MCMDC2: variants seen among roughly 807,000 people sequenced by gnomAD.
MCMDC2 encodes the protein minichromosome maintenance domain containing 2.
MCMDC2 carries 54 observed loss-of-function variants against 75.8 expected under a neutral mutation model. The ratio of observed to expected loss-of-function variants is 0.71; its 90% confidence interval spans 0.57 to 0.89. MCMDC2 has a LOEUF of 0.89. Among genes scored for constraint, MCMDC2 ranks in the 40% least tolerant of loss-of-function variants. The pLI, the probability that MCMDC2 is intolerant of heterozygous loss-of-function variation, is 0.00. For missense variants in MCMDC2, 656 were observed against 780.4 expected (o/e 0.84, Z 1.90); for synonymous variants, 249 against 274.6 (o/e 0.91, Z 0.92).
chr8:66,872,062 G>C (rs989494402), intron 1 of MCMDC2, among the ~76,000 whole-genome samples: 9 of 152,140 alleles, frequency 5.9e-5, no homozygotes, highest in African/African-American at 1.9e-4. Context: ...TAATGTTCTA[G>C]TGCAGCAAAG....
At chr8:66,901,561 C>T (rs543925623) in intron 13 of MCMDC2, 2 of 1,240,368 alleles carry the variant, frequency 1.6e-6, no homozygotes, top group South Asian at 5.7e-5. Context: ...TTTTACTAAA[C>T]TGATTTTTAT....
At chr8:66,907,718 C>T (rs1361189727) in intron 14 of MCMDC2, among the ~76,000 whole-genome samples, 3 of 152,192 alleles carry the variant, frequency 2.0e-5, no homozygotes, top group South Asian at 2.1e-4. Flanking sequence ...TGTTTCTCCA[C>T]GGCCTCACCA....
At chr8:66,893,701 C>G (rs1812217476) in intron 10 of MCMDC2, among the ~76,000 whole-genome samples, 1 of 152,198 alleles carries the variant, frequency 6.6e-6, no homozygotes, top group Non-Finnish European at 1.5e-5. Context: ...TGGGTGGGGA[C>G]AGAGCCAACC....
Position 66,905,251 on chromosome 8 carries a change from C to G in MCMDC2, c.1795C>G (p.Arg599Gly). The G allele has an allele frequency of 1.3e-6, 2 of 1,491,694 alleles. No individual in the cohort carries two copies. Among genetic ancestry groups the G allele is most frequent in the Non-Finnish European group, 1.8e-6 (2 of 1,117,460 alleles). The allele number at this position is 1,491,694 out of a possible 1,614,324, so 92.4% of individuals were successfully genotyped here. A position where few individuals can be genotyped will look rare whatever the true frequency, so the allele number is the denominator to read the frequency against. ...CGTTTTCCTATCTGAAGCCCATGCA[C>G]GACTGAACTTAAGGAACAAAGTGCT... is the stretch of plus-strand genomic sequence containing the variant. ...YLVFLSEAHA[R>G]LNLRNKVLKE... is the part of the protein sequence containing the mutation. The change falls in exon 14 of 15, where the codon CGA becomes GGA. Residue 599 changes from arginine to glycine, a missense_variant. Transcript: ENST00000422365.
chr8:66,895,403 T>TC (rs1383433704), intron 10 of MCMDC2, among the ~76,000 whole-genome samples: 2 of 149,252 alleles, frequency 1.3e-5, no homozygotes, highest in African/African-American at 4.9e-5. Context: ...TTTCTTTCTT[T>TC]TTTTTTTTTT....
Position 66,874,447 on chromosome 8 carries a change from C to G in MCMDC2, c.216C>G (p.Val72=). The G allele has an allele frequency of 1.2e-6, 2 of 1,612,936 alleles. No homozygotes were observed. The highest frequency in any genetic ancestry group is 1.7e-6 in the Non-Finnish European group (2 of 1,179,772). ...ACCAACCTTTAAAAGCTGCTGAAGTCTTTCAATCAGTAAGTCAAAAAAAGA... is the reference window on the plus strand; with the variant it reads ...ACCAACCTTTAAAAGCTGCTGAAGTGTTTCAATCAGTAAGTCAAAAAAAGA... ...ILHQPLKAAE[V]FQSVCFIAVK... The change falls in exon 3 of 15, where the codon GTC becomes GTG. Residue 72 remains valine (V), a synonymous_variant. Transcript: ENST00000422365.
At chr8:66,904,836 T>C (rs1812842394) in intron 13 of MCMDC2, among the ~76,000 whole-genome samples, 1 of 152,204 alleles carries the variant, frequency 6.6e-6, no homozygotes, top group African/African-American at 2.4e-5. Flanking sequence ...CTTCCAATGC[T>C]GAAATTGCAA....
chr8:66,887,468 T>C (rs1811898944), intron 9 of MCMDC2, among the ~76,000 whole-genome samples: 1 of 151,852 alleles, frequency 6.6e-6, no homozygotes, highest in South Asian at 2.1e-4. Flanking sequence ...AGGAGAATCA[T>C]TTGAACCTGG....
At chr8:66,922,687 T>C (rs1585926328), downstream of MCMDC2, 3 of 337,450 alleles carry the variant, frequency 8.9e-6, no homozygotes, top group East Asian at 7.8e-5. Context: ...TCTGTTATGA[T>C]GACTTTCATA....
chr8:66,919,159 G>T lies in MCMDC2; in HGVS notation c.2036G>T (p.Ser679Ile), dbSNP rs1813428402. ...GGACCTGGGACAACTATTTTCTCTA[G>T]TGATGAATAAGCAATTTGAGGAATT... ...TYGPGTTIFS[S>I]DE The change falls in exon 15 of 15, where the codon AGT becomes ATT. Residue 679 changes from serine (S) to isoleucine (I), a missense_variant. By Grantham distance (142) the Ser-to-Ile change is moderately radical. Transcript: ENST00000422365. 6 of 1,538,566 alleles carry T rather than the reference G, an allele frequency of 3.9e-6. No homozygotes were observed. The highest frequency in any genetic ancestry group is 5.2e-6 in the Non-Finnish European group (6 of 1,143,192).
chr8:66,900,727 A>C (rs760274275), intron 12 of MCMDC2, among the ~76,000 whole-genome samples: 1 of 152,256 alleles, frequency 6.6e-6, no homozygotes, highest in East Asian at 1.9e-4. Context: ...CCCAAATCTT[A>C]CTAAATCACC....
At chr8:66,888,335 G>T (rs1430171181) in intron 9 of MCMDC2, among the ~76,000 whole-genome samples, 1 of 152,154 alleles carries the variant, frequency 6.6e-6, no homozygotes, top group Middle Eastern at 3.2e-3. Flanking sequence ...TCCCGCCTCG[G>T]CCTCTCAAAG....
In MCMDC2 at chr8:66,874,117, A is replaced by G. The variant is rs574634029; in HGVS notation, c.-24A>G. 19 of 1,540,160 alleles carry G rather than the reference A, an allele frequency of 1.2e-5. No individual in the cohort carries two copies. In the East Asian group the frequency reaches 3.9e-4, roughly 31 times the overall value. On this transcript the variant is annotated 5_prime_UTR_variant, in exon 2 of 15. Transcript: ENST00000422365. ...TTTATCAACAATTGTGGTTTAATCA[A>G]TTAGAAATATTAACCAGGAGAAAAT...
Position 66,890,934 on chromosome 8 carries a change from C to G in MCMDC2, c.1143C>G (p.Pro381=), listed in dbSNP as rs1458442413. Residue 381 remains proline, a synonymous_variant, in exon 10 of 15, where the codon CCC becomes CCG. Transcript: ENST00000422365. ...ATCTAGTCTCTACTGAAATTTTTCC[C>G]ACTCTATCCAGGAATAAGTATGGAA... ...IRHLVSTEIF[P]TLSRNKYGTG... is the part of the protein sequence containing the mutation. 2 of 1,613,752 alleles carry G rather than the reference C, an allele frequency of 1.2e-6. No homozygotes were observed. Among genetic ancestry groups the G allele is most frequent in the Non-Finnish European group, 1.7e-6 (2 of 1,179,942 alleles).
In MCMDC2 at chr8:66,878,641, G is replaced by C. The variant is rs993664979; in HGVS notation, c.549G>C (p.Leu183Phe). The C allele has an allele frequency of 1.3e-6, 2 of 1,572,958 alleles. No individual in the cohort carries two copies. Among genetic ancestry groups the C allele is most frequent in the Non-Finnish European group, 1.7e-6 (2 of 1,166,416 alleles). The stretch of plus-strand genomic sequence containing the variant: ...CTGCAACGATAAGAAATGACTTTTT[G>C]TGTAATCTATGTGCATCTTCACTTC... ...TESATIRNDFLCNLCASSLQE... is the reference protein window; with the variant it reads ...TESATIRNDFFCNLCASSLQE... Residue 183 changes from leucine (L) to phenylalanine (F), a missense_variant, in exon 6 of 15, where the codon TTG (leucine) becomes TTC (phenylalanine). Physicochemically the swap from Leu to Phe is conservative, Grantham distance 22. Transcript: ENST00000422365.
intron 10 of MCMDC2, among the ~76,000 whole-genome samples, chr8:66,894,715 A>T (rs2130831219): frequency 6.6e-6 from 1 of 152,350 alleles, no homozygotes; most frequent in Middle Eastern, 3.4e-3. Context: ...TTAGAATGGC[A>T]ATACTACTAT....
At position 66,919,871 on chromosome 8, in the gene MCMDC2, A is replaced by T. The variant is rs1813453826; in HGVS notation, c.*702A>T. 1 of 152,244 alleles carries T rather than the reference A, an allele frequency of 6.6e-6. No individual in the cohort carries two copies. The highest frequency in any genetic ancestry group is 1.5e-5 in the Non-Finnish European group (1 of 68,040). The allele number at this position is 152,244 out of a possible 1,614,324, so 9.4% of individuals were successfully genotyped here. A position where few individuals can be genotyped will look rare whatever the true frequency, so the allele number is the denominator to read the frequency against. On this transcript the variant is annotated 3_prime_UTR_variant, in exon 15 of 15. Coordinates refer to ENST00000422365, the MANE Select transcript of MCMDC2 (RefSeq NM_173518.5). ...AAGAAAGGCTCCAAAAGGCAAAGAA[A>T]CCAACTTGCAAATCTAGTCCTCATT... is the stretch of plus-strand genomic sequence containing the variant.
At chr8:66,872,353 A>G (rs1022789659) in intron 1 of MCMDC2, among the ~76,000 whole-genome samples, 16 of 152,342 alleles carry the variant, frequency 1.1e-4, no homozygotes, top group African/African-American at 3.6e-4. Context: ...ACCTTAAAGT[A>G]GAATTCATAC....
chr8:66,902,482 A>G (rs531782598), intron 13 of MCMDC2, among the ~76,000 whole-genome samples: 1 of 151,548 alleles, frequency 6.6e-6, no homozygotes, highest in African/African-American at 2.4e-5. Context: ...TGAGGTCAGG[A>G]GTTTGAGCCC....
Sources: gnomAD v4.1 joint callset for allele counts (sites outside exome capture counted in the v4.1 genomes callset) on GRCh38, gnomAD v4.1.1 for gene constraint, MANE v1.5 for transcripts, NCBI Gene and HGNC (gene_info 2026-07-23, HGNC 2026-07-21) for gene names.